ZAN: variants seen among roughly 807,000 people sequenced by gnomAD.
The protein encoded by ZAN is zonadhesin.
In ZAN, 260 loss-of-function variants were observed where a neutral mutation model predicts 286.2. The observed-to-expected ratio is 0.91, with a 90% confidence interval of 0.82 to 1.01. ZAN has a LOEUF of 1.01. Ranked by LOEUF, ZAN falls within the 50% of genes least tolerant of loss-of-function variation. ZAN has a pLI of 0.00. For synonymous variants in ZAN, 1,368 were observed against 1,417.5 expected (o/e 0.97, Z 0.79); for missense variants, 3,410 against 3,639.2 (o/e 0.94, Z 1.62).
chr7:100,759,839 C>T lies in ZAN; in HGVS notation c.3690C>T (p.Arg1230=). 1 of 1,612,552 alleles carries T rather than the reference C, an allele frequency of 6.2e-7. No homozygotes were observed. Among genetic ancestry groups the T allele is most frequent in the South Asian group, 1.1e-5 (1 of 90,722 alleles). Residue 1230 remains arginine (R), a synonymous_variant, in exon 18 of 48, where the codon CGC becomes CGT. Coordinates refer to ENST00000613979, the MANE Select transcript of ZAN (RefSeq NM_003386.3). ...CCGTCACCCTGCTTAAGGGCAGACG[C>T]ACTCTGGTGAGCCCCATTCCACCCC... ...ESTVTLLKGR[R]TLVGGQQVTL...
intron 7 of ZAN, among the ~76,000 whole-genome samples, 168 bp downstream of exon 7, chr7:100,738,781 G>A (rs1346875737): frequency 7.5e-6 from 1 of 132,692 alleles, no homozygotes; most frequent in Admixed American, 7.5e-5. Context: ...CCCCACCACC[G>A]CCCTACAAGC....
At chr7:100,745,449 A>G (rs1808136876) in intron 7 of ZAN, among the ~76,000 whole-genome samples, 1 of 151,582 alleles carries the variant, frequency 6.6e-6, no homozygotes, top group Non-Finnish European at 1.5e-5. Flanking sequence ...TGCGTCACCT[A>G]GCGAGGTCCA....
intron 22 of ZAN, 129 bp from the exon 23 acceptor site, chr7:100,765,223 A>C: frequency 9.2e-7 from 1 of 1,085,828 alleles, no homozygotes; most frequent in Non-Finnish European, 1.3e-6. Flanking sequence ...AGCTTCTCAC[A>C]GTCACTCTCT....
chr7:100,771,824 T>C lies in ZAN; in HGVS notation c.5249-20T>C, dbSNP rs759604264. ...TTCCCGGCCCCTCCCCTGGCTCATC[T>C]GCCTTCTCTCTTCCTGCAGGACCCT... On this transcript the variant is annotated intron_variant, in intron 28 of 47. Coordinates refer to ENST00000613979, the MANE Select transcript of ZAN (RefSeq NM_003386.3). The C allele has an allele frequency of 6.3e-7, 1 of 1,598,156 alleles. No individual in the cohort carries two copies. The highest frequency in any genetic ancestry group is 8.6e-7 in the Non-Finnish European group (1 of 1,168,856).
intron 8 of ZAN, 48 bp from the exon 9 acceptor site, chr7:100,747,502 T>A (rs1192030800): frequency 6.4e-7 from 1 of 1,567,932 alleles, no homozygotes; most frequent in East Asian, 2.2e-5. Flanking sequence ...CAAAGTCGTT[T>A]CCCAGTCCCC....
At chr7:100,739,146 A>G in intron 7 of ZAN, among the ~76,000 whole-genome samples, 1 of 133,934 alleles carries the variant, frequency 7.5e-6, no homozygotes, top group South Asian at 2.3e-4. Context: ...CAAGTAGCTG[A>G]GACTGCAGGC....
In ZAN at chr7:100,759,682, A is replaced by G. The variant is rs1048916684; in HGVS notation, c.3572-39A>G. 5.2e-6 allele frequency: 8 copies of G among 1,552,646 alleles called. No homozygotes were observed. In the African/African-American group the frequency reaches 6.8e-5, roughly 13 times the overall value. On this transcript the variant is annotated intron_variant, in intron 17 of 47. Coordinates refer to ENST00000613979, the MANE Select transcript of ZAN (RefSeq NM_003386.3). ...CACTGCTCGCGGCAGATGTTCAGAA[A>G]TGAGCCACTGGGCTCTCTTCATTCC...
intron 4 of ZAN, 52 bp downstream of exon 4, chr7:100,736,681 C>CG: frequency 6.6e-7 from 1 of 1,507,774 alleles, no homozygotes; most frequent in South Asian, 1.1e-5. Flanking sequence ...GGCTGGGAGG[C>CG]GGGAGTGGCT....
rs1405299987 is a variant in ZAN, at chr7:100,734,237, G to C, written c.53+16G>C. 2.1e-6 allele frequency: 3 copies of C among 1,424,366 alleles called. No individual in the cohort carries two copies. The highest frequency in any genetic ancestry group is 2.9e-6 in the Non-Finnish European group (3 of 1,049,646). 88.2% of individuals were successfully genotyped at this position (1,424,366 alleles called of 1,614,324 possible). A position where few individuals can be genotyped will look rare whatever the true frequency, so the allele number is the denominator to read the frequency against. On this transcript the variant is annotated intron_variant, in intron 2 of 47. Coordinates refer to ENST00000613979, the MANE Select transcript of ZAN (RefSeq NM_003386.3). The stretch of plus-strand genomic sequence containing the variant: ...CCCTTTTCAGGTAAGCTGGGCCCAG[G>C]GGGTAATGATAAACCAGGGTCAGCT...
chr7:100,765,126 C>T (rs1317261014), intron 22 of ZAN, among the ~76,000 whole-genome samples: 1 of 152,172 alleles, frequency 6.6e-6, no homozygotes, highest in African/African-American at 2.4e-5. Context: ...TCCATCTGCT[C>T]CCACCATAGG....
rs1562956467 is a variant in ZAN at position 100,789,269 on chromosome 7, G to A, written c.7279G>A (p.Val2427Ile). The A allele has an allele frequency of 1.2e-6, 2 of 1,613,878 alleles. No homozygotes were observed. The highest frequency in any genetic ancestry group is 1.7e-6 in the Non-Finnish European group (2 of 1,179,820). The change falls in exon 39 of 48, where the codon GTC becomes ATC. Residue 2427 changes from valine (V) to isoleucine (I), a missense_variant. Physicochemically the swap from Val to Ile is conservative, Grantham distance 29. Transcript: ENST00000613979. Reference protein sequence around the residue: ...VPYRPNEHLRVTLWGQRLYLV... With the variant: ...VPYRPNEHLRITLWGQRLYLV... ...CTACAGGCCAAATGAACACCTGCGG[G>A]TCACCCTGTGGGGCCAACGGCTCTA...
At chr7:100,773,630 G>T in intron 30 of ZAN, 91 bp from the exon 31 acceptor site, 3 of 1,545,354 alleles carry the variant, frequency 1.9e-6, no homozygotes. Context: ...CGAGGAGGAA[G>T]GGCAGATGCT....
Position 100,765,267 on chromosome 7 carries a change from G to T in ZAN, c.4268-85G>T, listed in dbSNP as rs1296686920. On this transcript the variant is annotated intron_variant, in intron 22 of 47. Coordinates refer to ENST00000613979, the MANE Select transcript of ZAN (RefSeq NM_003386.3). ...GATTGGCCAGAAGCCTGGAGCTGGG[G>T]CCCTTCCGAACGTGTCCTTCCTGTT... 4 of 1,424,454 alleles carry T rather than the reference G, an allele frequency of 2.8e-6. No homozygotes were observed. The Admixed American group carries it at 7.9e-5, about 28-fold the overall frequency. The allele number at this position is 1,424,454 out of a possible 1,614,324, so 88.2% of individuals were successfully genotyped here. A position where few individuals can be genotyped will look rare whatever the true frequency, so the allele number is the denominator to read the frequency against.
intron 10 of ZAN, 51 bp downstream of exon 10, chr7:100,748,266 G>C: frequency 1.2e-6 from 2 of 1,613,834 alleles, no homozygotes; most frequent in Admixed American, 3.3e-5. Context: ...GGGGTGGGCT[G>C]GGGGAGGGCT....
intron 29 of ZAN, 108 bp downstream of exon 29, chr7:100,772,128 C>CT: frequency 7.5e-7 from 1 of 1,326,888 alleles, no homozygotes; most frequent in Non-Finnish European, 9.9e-7. Context: ...GAGTCTCACT[C>CT]TGTTGCCCAG....
chr7:100,759,797 G>A lies in ZAN; in HGVS notation c.3648G>A (p.Val1216=). 6.2e-7 allele frequency: 1 copy of A among 1,609,596 alleles called. No individual in the cohort carries two copies. Among genetic ancestry groups the A allele is most frequent in the African/African-American group, 1.3e-5 (1 of 74,844 alleles). Residue 1216 remains valine (V), a synonymous_variant, in exon 18 of 48, where the codon GTG becomes GTA. Transcript: ENST00000613979. The part of the protein sequence containing the change: ...EGVSCLSKVY[V]TLPESTVTLL... ...TGTCCTGCCTGAGCAAAGTCTACGT[G>A]ACCCTGCCCGAGAGCACCGTCACCC...
rs375530504 is a variant in ZAN, at chr7:100,765,374, C to G, written c.4290C>G (p.Ser1430Arg). ...CAGCAATGGCCTGCCCGCCCAACAG[C>G]AAGTACTCCCTGTGTGCGAAGCCAT... ...HFCPMACPPN[S>R]KYSLCAKPCP... Residue 1430 changes from serine to arginine, a missense_variant, in exon 23 of 48, where the codon AGC (serine) becomes AGG (arginine). This residue lies in a region of ZAN where 1,042 missense variants were observed against 1,058.0 expected (regional missense o/e 0.98). Transcript: ENST00000613979. 1.4e-5 allele frequency: 22 copies of G among 1,613,982 alleles called. No homozygotes were observed. Among genetic ancestry groups the G allele is most frequent in the Non-Finnish European group, 1.8e-5 (21 of 1,179,886 alleles).
Position 100,751,817 on chromosome 7 carries a change from C to T in ZAN, c.1712C>T (p.Thr571Ile), listed in dbSNP as rs778523903. Reference sequence around the variant, plus strand: ...CCTACAATCTCCACCAAGAAACCTACAGTTTCCATAGAAAAACCCAGTGTC... The same window carrying T: ...CCTACAATCTCCACCAAGAAACCTATAGTTTCCATAGAAAAACCCAGTGTC... ...ENPTISTKKP[T>I]VSIEKPSVTT... is the part of the protein sequence containing the mutation. The change falls in exon 14 of 48, where the codon ACA (threonine) becomes ATA (isoleucine). Residue 571 changes from threonine (T) to isoleucine (I), a missense_variant. By Grantham distance (89) the Thr-to-Ile change is moderately conservative. This residue lies in a region of ZAN where 872 missense variants were observed against 938.9 expected (regional missense o/e 0.93). Coordinates refer to ENST00000613979, the MANE Select transcript of ZAN (RefSeq NM_003386.3). 10 of 1,613,734 alleles carry T rather than the reference C, an allele frequency of 6.2e-6. No individual in the cohort carries two copies. The East Asian group carries it at 1.8e-4, about 29-fold the overall frequency.
At chr7:100,772,870 G>T (rs796441511) in intron 29 of ZAN, among the ~76,000 whole-genome samples, 3,136 of 129,284 alleles carry the variant, frequency 0.024, 99 homozygotes, top group South Asian at 0.14. Context: ...TTTTTTTTTT[G>T]TTTGTTTTTT....
Sources: allele counts gnomAD v4.1 joint callset (sites outside exome capture counted in the v4.1 genomes callset), GRCh38; gene constraint gnomAD v4.1.1; regional missense constraint gnomAD v4.1.1; transcripts MANE v1.5; gene names NCBI Gene and HGNC (gene_info 2026-07-23, HGNC 2026-07-21).